GNB4: variants seen among roughly 807,000 people sequenced by gnomAD.
GNB4 encodes the protein G protein subunit beta 4, also known as guanine nucleotide-binding protein subunit beta-4.
Under a neutral mutation model 45.2 loss-of-function variants are expected in GNB4, and 28 were observed. The observed-to-expected ratio is 0.62, with a 90% CI of 0.46 to 0.85. The LOEUF (loss-of-function observed/expected upper bound fraction) is 0.85, where lower values mean the gene tolerates loss of function less well. Among genes scored for constraint, GNB4 ranks in the 40% least tolerant of loss-of-function variants. The probability of loss-of-function intolerance (pLI) is 0.00; values close to 1 mark genes in which losing one functional copy is unlikely to be tolerated. For missense variants in GNB4, 321 were observed against 425.4 expected (o/e 0.75, Z 2.16); for synonymous variants, 132 against 143.7 (o/e 0.92, Z 0.58).
chr3:179,488,189 C>T, the GNB4 span, among the ~76,000 whole-genome samples: 1 of 152,184 alleles, frequency 6.6e-6, no homozygotes, highest in African/African-American at 2.4e-5. Flanking sequence ...AGACTACCGA[C>T]CATGGACTGG....
Position 179,436,787 on chromosome 3 carries a change from GTTTT to G in GNB4, c.-42-10549_-42-10546del, listed in dbSNP as rs568654151. On this transcript the variant is annotated intron_variant, in intron 1 of 9. Coordinates refer to ENST00000232564, the MANE Select transcript of GNB4 (RefSeq NM_021629.4). ...TTGTAGCATACGGCATTAACTTTTG[GTTTT>G]TTATCTTGTTTTTTGTTTTGCTACC... Among the ~76,000 whole-genome samples, 328 of 152,172 alleles carry G rather than the reference GTTTT, an allele frequency of 2.2e-3. 2 individuals carry two copies. Among genetic ancestry groups the G allele is most frequent in the Non-Finnish European group, 3.0e-3 (205 of 68,000 alleles).
At chr3:179,412,867 GT>G (rs933389445) in intron 8 of GNB4, among the ~76,000 whole-genome samples, 4 of 150,366 alleles carry the variant, frequency 2.7e-5, no homozygotes, top group African/African-American at 9.8e-5. Context: ...AAAAAAAAAA[GT>G]GATATTCACC....
intron 2 of GNB4, among the ~76,000 whole-genome samples, chr3:179,423,832 T>C (rs1715066247): frequency 6.6e-6 from 1 of 151,300 alleles, no homozygotes; most frequent in Admixed American, 6.6e-5. Flanking sequence ...CTTGGAGGAT[T>C]AGGACTCAAC....
At chr3:179,503,695 A>T in the GNB4 span, among the ~76,000 whole-genome samples, 7 of 152,238 alleles carry the variant, frequency 4.6e-5, no homozygotes, top group Non-Finnish European at 7.3e-5. Context: ...TCCCAGTGTT[A>T]TCTAGTGCCA....
the GNB4 span, among the ~76,000 whole-genome samples, chr3:179,479,735 TA>T: frequency 3.3e-5 from 5 of 152,042 alleles, no homozygotes; most frequent in African/African-American, 7.2e-5. Context: ...GAGCATCTGT[TA>T]AAAAAAACTC....
the GNB4 span, among the ~76,000 whole-genome samples, chr3:179,504,145 C>T: frequency 2.6e-5 from 4 of 152,084 alleles, no homozygotes; most frequent in East Asian, 1.9e-4. Flanking sequence ...TCTAGTACAG[C>T]TTGCTTTTTC....
the GNB4 span, among the ~76,000 whole-genome samples, chr3:179,492,195 T>C: frequency 1.3e-5 from 2 of 152,156 alleles, no homozygotes; most frequent in Non-Finnish European, 1.5e-5. Context: ...CAGCCCTCAT[T>C]ACCATTGCAG....
chr3:179,457,754 C>T, the GNB4 span, among the ~76,000 whole-genome samples: 1 of 152,166 alleles, frequency 6.6e-6, no homozygotes, highest in African/African-American at 2.4e-5. Context: ...CTTTTCCTGG[C>T]AGGTGAGATA....
At chr3:179,480,663 T>A in the GNB4 span, among the ~76,000 whole-genome samples, 1 of 152,094 alleles carries the variant, frequency 6.6e-6, no homozygotes, top group Non-Finnish European at 1.5e-5. Flanking sequence ...CTTATCCATG[T>A]CCACATTGAT....
chr3:179,500,991 G>T, the GNB4 span, among the ~76,000 whole-genome samples: 2 of 152,138 alleles, frequency 1.3e-5, no homozygotes, highest in Admixed American at 1.3e-4. Context: ...TGAGATGATG[G>T]GGTTTTCTAA....
At chr3:179,465,465 C>G in the GNB4 span, 1 of 355,382 alleles carries the variant, frequency 2.8e-6, no homozygotes, top group South Asian at 2.7e-5. Flanking sequence ...AAAAATTAGC[C>G]GGGCGTGGTG....
At chr3:179,474,277 T>G in the GNB4 span, among the ~76,000 whole-genome samples, 18 of 152,214 alleles carry the variant, frequency 1.2e-4, no homozygotes, top group Non-Finnish European at 1.0e-4. Context: ...CAGGCTAGAG[T>G]GCAGTAGCAC....
the GNB4 span, among the ~76,000 whole-genome samples, chr3:179,479,082 G>C: frequency 6.6e-6 from 1 of 152,098 alleles, no homozygotes; most frequent in African/African-American, 2.4e-5. Flanking sequence ...CCCAGTCTCA[G>C]GTATTTCTTT....
chr3:179,516,408 G>C, the GNB4 span, among the ~76,000 whole-genome samples: 2 of 152,182 alleles, frequency 1.3e-5, no homozygotes, highest in African/African-American at 4.8e-5. Flanking sequence ...TCCAGTGAAA[G>C]TGTCTACCCA....
chr3:179,402,127 G>A (rs1017183444), intron 9 of GNB4, among the ~76,000 whole-genome samples: 23 of 152,260 alleles, frequency 1.5e-4, no homozygotes, highest in African/African-American at 5.3e-4. Flanking sequence ...GTATGGCCAT[G>A]TTTGGCAATG....
chr3:179,430,370 A>G (rs1261316760), intron 1 of GNB4, among the ~76,000 whole-genome samples: 2 of 152,094 alleles, frequency 1.3e-5, no homozygotes, highest in Non-Finnish European at 2.9e-5. Flanking sequence ...GATTATAGGC[A>G]TAAGTCACTG....
At chr3:179,508,932 G>GTGTATATATA in the GNB4 span, among the ~76,000 whole-genome samples, 13 of 102,176 alleles carry the variant, frequency 1.3e-4, no homozygotes, top group Admixed American at 5.4e-4. Context: ...TTCAGCATGT[G>GTGTATATATA]TATATATATA....
At chr3:179,438,785 G>C (rs369038878) in intron 1 of GNB4, among the ~76,000 whole-genome samples, 22 of 152,200 alleles carry the variant, frequency 1.4e-4, no homozygotes, top group African/African-American at 5.3e-4. Context: ...GGGTAGAGGA[G>C]AGTGGTTTCA....
At position 179,445,372 on chromosome 3, in the gene GNB4, C is replaced by A. The variant is rs543215602; in HGVS notation, c.-43+5974G>T. 5.9e-5 allele frequency among the ~76,000 whole-genome samples: 9 copies of A among 152,206 alleles called. No homozygotes were observed. In the South Asian group the frequency reaches 1.9e-3, roughly 32 times the overall value. On this transcript the variant is annotated intron_variant, in intron 1 of 9. Coordinates refer to ENST00000232564, the MANE Select transcript of GNB4 (RefSeq NM_021629.4). Reference sequence around the variant, plus strand: ...TGATCATAGTTCACTGCAACCTCTGCCTCTTGCGCTCAATCAATCTTCCTA... The same window carrying A: ...TGATCATAGTTCACTGCAACCTCTGACTCTTGCGCTCAATCAATCTTCCTA...
Sources: allele counts gnomAD v4.1 joint callset (sites outside exome capture counted in the v4.1 genomes callset), GRCh38; gene constraint gnomAD v4.1.1; transcripts MANE v1.5; gene names NCBI Gene and HGNC (gene_info 2026-07-23, HGNC 2026-07-21).